The following CTNNA2 variants were observed in gnomAD, a reference collection of about 807,000 sequenced individuals.
CTNNA2 encodes the protein catenin alpha-2.
A neutral mutation model predicts 101.0 loss-of-function variants in CTNNA2; 42 were observed. That is an observed-to-expected ratio of 0.42 (90% CI 0.32 to 0.54). CTNNA2 has a LOEUF of 0.54. Ranked by LOEUF, CTNNA2 falls within the 20% of genes least tolerant of loss-of-function variation. The pLI, the probability that CTNNA2 is intolerant of heterozygous loss-of-function variation, is 0.14. For missense variants in CTNNA2, 871 were observed against 1,223.1 expected (o/e 0.71, Z 4.29); for synonymous variants, 450 against 456.4 (o/e 0.99, Z 0.18).
intron 3 of CTNNA2, among the ~76,000 whole-genome samples, chr2:79,764,194 A>G (rs1221611543): frequency 6.6e-6 from 1 of 152,208 alleles, no homozygotes. Flanking sequence ...AACAACATAC[A>G]GTAAATTTTG....
chr2:80,478,142 T>G (rs146868197), intron 9 of CTNNA2, among the ~76,000 whole-genome samples: 1 of 152,246 alleles, frequency 6.6e-6, no homozygotes, highest in African/African-American at 2.4e-5. Context: ...TCCAGATGAT[T>G]AGTGACATTG....
chr2:80,577,090 T>A (rs1573335175), intron 13 of CTNNA2, among the ~76,000 whole-genome samples: 1 of 152,206 alleles, frequency 6.6e-6, no homozygotes, highest in South Asian at 2.1e-4. Context: ...TAAAAATTGG[T>A]AATTCTGTCT....
intron 4 of CTNNA2, among the ~76,000 whole-genome samples, chr2:79,868,676 G>A (rs1682335952): frequency 6.6e-6 from 1 of 152,200 alleles, no homozygotes; most frequent in Admixed American, 6.5e-5. Context: ...TACAAGAGCC[G>A]ATCTGAATTC....
intron 1 of CTNNA2, among the ~76,000 whole-genome samples, chr2:79,641,280 G>C (rs1243733660): frequency 6.6e-6 from 1 of 152,088 alleles, no homozygotes; most frequent in East Asian, 1.9e-4. Context: ...TGGCTAGTTT[G>C]CTATAATCTA....
chr2:79,510,423 T>C (rs765711633), upstream of CTNNA2, among the ~76,000 whole-genome samples: 59 of 152,218 alleles, frequency 3.9e-4, 2 homozygotes, highest in South Asian at 1.9e-3. Context: ...CATCTAATAA[T>C]AGCCATTATT....
intron 4 of CTNNA2, among the ~76,000 whole-genome samples, chr2:79,478,923 C>T (rs900481068): frequency 2.0e-5 from 3 of 152,172 alleles, no homozygotes; most frequent in African/African-American, 7.2e-5. Flanking sequence ...CCTTCATTTC[C>T]ACCACTGGAG....
intron 18 of CTNNA2, among the ~76,000 whole-genome samples, chr2:80,636,338 G>A (rs1172243188): frequency 6.6e-6 from 1 of 152,104 alleles, no homozygotes; most frequent in African/African-American, 2.4e-5. Context: ...TAAAAATTAT[G>A]CATTTATAAC....
chr2:79,660,813 A>G (rs1681984154), intron 2 of CTNNA2, among the ~76,000 whole-genome samples: 1 of 152,174 alleles, frequency 6.6e-6, no homozygotes, highest in Non-Finnish European at 1.5e-5. Flanking sequence ...TGAGTAATGT[A>G]CAGAACCCTT....
At chr2:80,645,350 C>G (rs949843495) in intron 18 of CTNNA2, among the ~76,000 whole-genome samples, 1 of 152,052 alleles carries the variant, frequency 6.6e-6, no homozygotes, top group African/African-American at 2.4e-5. Context: ...ATTATTTACA[C>G]TTCTACCTGG....
chr2:79,894,009 T>G (rs1342949033), intron 6 of CTNNA2, among the ~76,000 whole-genome samples: 1 of 101,692 alleles, frequency 9.8e-6, no homozygotes, highest in African/African-American at 3.2e-5. Context: ...CTTCTTCTTC[T>G]TCTTCTTCTT....
intron 2 of CTNNA2, among the ~76,000 whole-genome samples, chr2:79,717,568 C>T (rs951669819): frequency 2.0e-5 from 3 of 152,154 alleles, no homozygotes; most frequent in Non-Finnish European, 4.4e-5. Context: ...CCGATCATTC[C>T]TAAGATTCCA....
At chr2:80,462,907 A>G (rs867664266) in intron 9 of CTNNA2, among the ~76,000 whole-genome samples, 2 of 152,016 alleles carry the variant, frequency 1.3e-5, no homozygotes, top group Middle Eastern at 3.4e-3. Context: ...TTGATCTTTT[A>G]TAGCTTATTT....
At chr2:79,839,372 T>C (rs2941758) in intron 3 of CTNNA2, among the ~76,000 whole-genome samples, 121,621 of 151,890 alleles carry the variant, frequency 0.8, 49,456 homozygotes, top group Non-Finnish European at 0.87. Flanking sequence ...TTCTCCAGTT[T>C]TACTATGCAG....
At chr2:79,759,141 T>C (rs1043582346) in intron 3 of CTNNA2, among the ~76,000 whole-genome samples, 1 of 152,118 alleles carries the variant, frequency 6.6e-6, no homozygotes, top group African/African-American at 2.4e-5. Context: ...TGCTTGACAC[T>C]GTATGCCTAC....
chr2:79,801,669 C>T (rs1161991252), intron 3 of CTNNA2, among the ~76,000 whole-genome samples: 2 of 152,014 alleles, frequency 1.3e-5, no homozygotes, highest in African/African-American at 4.8e-5. Flanking sequence ...GTGTAGAACC[C>T]TTAAATTAGT....
intron 7 of CTNNA2, among the ~76,000 whole-genome samples, chr2:79,981,081 T>A (rs1261054527): frequency 6.6e-6 from 1 of 152,124 alleles, no homozygotes; most frequent in African/African-American, 2.4e-5. Flanking sequence ...TTTGTCATTT[T>A]CCACTGTCAA....
intron 4 of CTNNA2, among the ~76,000 whole-genome samples, chr2:79,393,429 A>G (rs755875806): frequency 1.5e-4 from 23 of 152,074 alleles, no homozygotes; most frequent in Middle Eastern, 6.3e-3. Context: ...TCATTTGTTT[A>G]TGTTTTGCCT....
intron 7 of CTNNA2, among the ~76,000 whole-genome samples, chr2:80,093,593 A>G (rs1227612158): frequency 6.6e-6 from 1 of 152,170 alleles, no homozygotes; most frequent in Admixed American, 6.5e-5. Flanking sequence ...GACTTCCACA[A>G]TAGTTGAACT....
At chr2:80,608,398 T>TAA in intron 17 of CTNNA2, 80 bp downstream of exon 17, 1 of 1,467,048 alleles carries the variant, frequency 6.8e-7, no homozygotes, top group Non-Finnish European at 9.4e-7. Flanking sequence ...ACAGTACTGC[T>TAA]AAAAACACCA....
Sources: allele counts gnomAD v4.1 joint callset (sites outside exome capture counted in the v4.1 genomes callset), GRCh38; gene constraint gnomAD v4.1.1; transcripts MANE v1.5; gene names NCBI Gene and HGNC (gene_info 2026-07-23, HGNC 2026-07-21).